MBNL3: variants seen among roughly 807,000 people sequenced by gnomAD.
MBNL3 encodes muscleblind-like protein 3.
A neutral mutation model predicts 24.5 loss-of-function variants in MBNL3; 6 were observed. The observed-to-expected ratio is 0.25, with a 90% CI of 0.13 to 0.48. The LOEUF (loss-of-function observed/expected upper bound fraction) is 0.48, where lower values mean the gene tolerates loss of function less well. Among genes scored for constraint, MBNL3 ranks in the 20% least tolerant of loss-of-function variants. The probability of loss-of-function intolerance (pLI) is 0.99; values close to 1 mark genes in which losing one functional copy is unlikely to be tolerated. For missense variants in MBNL3, 230 were observed against 293.5 expected, an observed-to-expected ratio of 0.78 and a Z score of 1.58; for synonymous variants, 100 against 101.7, an observed-to-expected ratio of 0.98 and a Z score of 0.10.
At chrX:132,475,305 T>C (rs1381461858) in intron 1 of MBNL3, among the ~76,000 whole-genome samples, 1 of 112,028 alleles carries the variant, frequency 8.9e-6, no homozygotes, top group Non-Finnish European at 1.9e-5. Context: ...TACATCAAGA[T>C]GGGTAACAGA....
At chrX:132,380,591 A>G (rs926467563) in intron 8 of MBNL3, among the ~76,000 whole-genome samples, 2 of 111,583 alleles carry the variant, frequency 1.8e-5, no homozygotes, top group Non-Finnish European at 3.8e-5. Flanking sequence ...GAACTAGTTC[A>G]CGAGGGAACA....
intron 2 of MBNL3, among the ~76,000 whole-genome samples, chrX:132,436,228 T>A (rs1945111265): frequency 8.9e-6 from 1 of 112,036 alleles, no homozygotes; most frequent in Non-Finnish European, 1.9e-5. Context: ...CCATTCTATG[T>A]AGCTGGAAAT....
At chrX:132,387,723 C>A (rs181112398) in intron 5 of MBNL3, among the ~76,000 whole-genome samples, 1 of 112,229 alleles carries the variant, frequency 8.9e-6, no homozygotes, top group Non-Finnish European at 1.9e-5. Flanking sequence ...ACCTACCTCA[C>A]GCAGGTACTA....
chrX:132,414,668 T>G (rs1184202296), intron 2 of MBNL3, among the ~76,000 whole-genome samples: 1 of 111,592 alleles, frequency 9.0e-6, no homozygotes, highest in East Asian at 2.8e-4. Context: ...CATCCCCCCT[T>G]TTTTCATCAT....
At position 132,369,732 on chromosome X, in the gene MBNL3, T is replaced by C. The variant is rs1602995800; in HGVS notation, c.*9934A>G. The C allele has an allele frequency of 8.9e-6, 1 of 112,030 alleles. No individual in the cohort carries two copies. The highest frequency in any genetic ancestry group is 2.8e-4 in the East Asian group (1 of 3,576). The allele number at this position is 112,030 out of a possible 1,213,427, so 9.2% of individuals were successfully genotyped here. A position where few individuals can be genotyped will look rare whatever the true frequency, so the allele number is the denominator to read the frequency against. On this transcript the variant is annotated 3_prime_UTR_variant, in exon 9 of 9. Coordinates refer to ENST00000370853, the MANE Select transcript of MBNL3 (RefSeq NM_001386889.1). ...TGATTTTTTAAAAATAAATCTTTCCTTGTACTTGTACATGCCTGCATTGCA... is the reference window on the plus strand; with the variant it reads ...TGATTTTTTAAAAATAAATCTTTCCCTGTACTTGTACATGCCTGCATTGCA...
rs916152716 is a variant in MBNL3, at chrX:132,440,114, T to C, written c.-503A>G. 1.8e-5 allele frequency among the ~76,000 whole-genome samples: 2 copies of C among 109,839 alleles called. No individual in the cohort carries two copies. The highest frequency in any genetic ancestry group is 9.8e-5 in the Admixed American group (1 of 10,224). On this transcript the variant is annotated 5_prime_UTR_variant, in exon 2 of 9. Transcript: ENST00000370853. ...AAAAAAGTTTCGTTGCAAAATCAAGTGGAGGGAAAATGACTAAGAAAATTG... is the reference window on the plus strand; with the variant it reads ...AAAAAAGTTTCGTTGCAAAATCAAGCGGAGGGAAAATGACTAAGAAAATTG...
In MBNL3 at chrX:132,372,676, G is replaced by C. The variant is rs1305883670; in HGVS notation, c.*6990C>G. 2 of 110,079 alleles carry C rather than the reference G, an allele frequency of 1.8e-5. No homozygotes were observed. The highest frequency in any genetic ancestry group is 3.8e-5 in the Non-Finnish European group (2 of 52,628). The allele number at this position is 110,079 out of a possible 1,213,427, so 9.1% of individuals were successfully genotyped here. ...AGAAATAAAGCTCTGGAACCATGCA[G>C]TTTTATGACAGATAAATCTTTAGGT... is the stretch of plus-strand genomic sequence containing the variant. On this transcript the variant is annotated 3_prime_UTR_variant, in exon 9 of 9. Coordinates refer to ENST00000370853, the MANE Select transcript of MBNL3 (RefSeq NM_001386889.1).
At chrX:132,480,095 G>A (rs1386765957) in intron 1 of MBNL3, among the ~76,000 whole-genome samples, 2 of 111,438 alleles carry the variant, frequency 1.8e-5, no homozygotes. Context: ...CTAAATCAAT[G>A]CCAAACTGTT....
chrX:132,419,998 G>A (rs990897170), intron 2 of MBNL3, among the ~76,000 whole-genome samples: 5 of 111,221 alleles, frequency 4.5e-5, no homozygotes, highest in African/African-American at 1.6e-4. Flanking sequence ...TGTTACTGGG[G>A]GTCCTTGTTC....
chrX:132,449,560 G>A (rs1353747573), intron 1 of MBNL3, among the ~76,000 whole-genome samples: 3 of 100,214 alleles, frequency 3.0e-5, no homozygotes, highest in Non-Finnish European at 5.9e-5. Context: ...CACATGAGAT[G>A]GGTCTCCTGA....
chrX:132,420,784 G>C (rs969581467), intron 2 of MBNL3, among the ~76,000 whole-genome samples: 5 of 111,170 alleles, frequency 4.5e-5, no homozygotes, highest in African/African-American at 1.6e-4. Flanking sequence ...CTGGACAACA[G>C]AGTGAGACCC....
At position 132,439,776 on chromosome X, in the gene MBNL3, C is replaced by A; in HGVS notation, c.-165G>T. 1 of 762,327 alleles carries A rather than the reference C, an allele frequency of 1.3e-6. No homozygotes were observed. Among genetic ancestry groups the A allele is most frequent in the African/African-American group, 2.2e-5 (1 of 45,710 alleles). The allele number at this position is 762,327 out of a possible 1,213,427, so 62.8% of individuals were successfully genotyped here. ...GGTTTTCATTAAAGTCAAATCTGGT[C>A]TAGTCAAACAAAAAGCCAATCATAA... is the stretch of plus-strand genomic sequence containing the variant. On this transcript the variant is annotated 5_prime_UTR_variant, in exon 2 of 9. An upstream open reading frame in the 5' UTR loses its in-frame stop. Transcript: ENST00000370853.
chrX:132,463,802 A>C (rs1469272800), intron 1 of MBNL3, among the ~76,000 whole-genome samples: 4 of 112,553 alleles, frequency 3.6e-5, no homozygotes, highest in Admixed American at 2.8e-4. Flanking sequence ...AATCAATTGC[A>C]TAGCAATTCC....
chrX:132,456,588 A>C lies in MBNL3; in HGVS notation c.-703-16274T>G, dbSNP rs767481435. Among the ~76,000 whole-genome samples, 3 of 112,284 alleles carry C rather than the reference A, an allele frequency of 2.7e-5. No individual in the cohort carries two copies. In the East Asian group the frequency reaches 8.4e-4, roughly 31 times the overall value. The stretch of plus-strand genomic sequence containing the variant: ...AATATCCTATGAGGTACATACTTTT[A>C]AAGGGCAACATTAAAATTTCATTTA... On this transcript the variant is annotated intron_variant, in intron 1 of 8. Coordinates refer to ENST00000370853, the MANE Select transcript of MBNL3 (RefSeq NM_001386889.1).
At position 132,456,671 on chromosome X, in the gene MBNL3, T is replaced by C. The variant is rs867624340; in HGVS notation, c.-703-16357A>G. 4.5e-5 allele frequency among the ~76,000 whole-genome samples: 5 copies of C among 111,824 alleles called. No individual in the cohort carries two copies. The East Asian group carries it at 8.4e-4, about 19-fold the overall frequency. On this transcript the variant is annotated intron_variant, in intron 1 of 8. Transcript: ENST00000370853. Reference sequence around the variant, plus strand: ...CTAGACTTGTTACCAAATCATTGTATTGAGTTTTTCAATATTTAAATTTCT... The same window carrying C: ...CTAGACTTGTTACCAAATCATTGTACTGAGTTTTTCAATATTTAAATTTCT...
intron 1 of MBNL3, among the ~76,000 whole-genome samples, chrX:132,474,782 T>C (rs1386825971): frequency 1.8e-5 from 2 of 111,272 alleles, no homozygotes; most frequent in Non-Finnish European, 3.8e-5. Context: ...CCTTTTTAAG[T>C]TCCAACATAT....
intron 2 of MBNL3, among the ~76,000 whole-genome samples, chrX:132,422,377 C>T (rs1045665709): frequency 2.7e-5 from 3 of 111,902 alleles, no homozygotes; most frequent in Admixed American, 9.5e-5. Flanking sequence ...TGTTATGTAG[C>T]ATTCCATAAG....
intron 2 of MBNL3, among the ~76,000 whole-genome samples, chrX:132,417,785 A>T (rs1943432501): frequency 8.9e-6 from 1 of 112,024 alleles, no homozygotes; most frequent in Non-Finnish European, 1.9e-5. Flanking sequence ...TTCTGAAAAA[A>T]AAATAAGTCA....
At chrX:132,479,482 A>AT (rs758005660) in intron 1 of MBNL3, among the ~76,000 whole-genome samples, 1 of 111,847 alleles carries the variant, frequency 8.9e-6, no homozygotes, top group Non-Finnish European at 1.9e-5. Flanking sequence ...TGAAATATAT[A>AT]TTTTTTTGTT....
Sources: gnomAD v4.1 joint callset for allele counts (sites outside exome capture counted in the v4.1 genomes callset) on GRCh38, gnomAD v4.1.1 for gene constraint, MANE v1.5 for transcripts, NCBI Gene and HGNC (gene_info 2026-07-23, HGNC 2026-07-21) for gene names.